Variants in GNB1L observed in about 807,000 individuals in gnomAD.
The protein encoded by GNB1L is G protein subunit beta 1 like, also known as guanine nucleotide-binding protein subunit beta-like protein 1.
GNB1L carries 20 observed loss-of-function variants against 29.1 expected under a neutral mutation model. That is an observed-to-expected ratio of 0.69 (90% CI 0.48 to 1.00). The LOEUF is 1.00. Among genes scored for constraint, GNB1L ranks in the 50% least tolerant of loss-of-function variants. The pLI is 0.00. For missense variants in GNB1L, 421 were observed against 464.9 expected (o/e 0.91, Z 0.87); for synonymous variants, 193 against 206.5 (o/e 0.93, Z 0.56).
At chr22:19,810,466 C>T (rs1025992512) in intron 5 of GNB1L, among the ~76,000 whole-genome samples, 1 of 152,098 alleles carries the variant, frequency 6.6e-6, no homozygotes, top group Non-Finnish European at 1.5e-5. Flanking sequence ...GCGGGGGTGG[C>T]GGCGCCTTGA....
At position 19,796,378 on chromosome 22, in the gene GNB1L, G is replaced by A. The variant is rs546302481; in HGVS notation, c.732+5623C>T. On this transcript the variant is annotated intron_variant, in intron 7 of 7. Coordinates refer to ENST00000329517, the MANE Select transcript of GNB1L (RefSeq NM_053004.3). The stretch of plus-strand genomic sequence containing the variant: ...GAATCAGTGGACACACGGGCCTGGC[G>A]CCCACGTGTGCAGCGGGGCATCTGA... 9.8e-5 allele frequency among the ~76,000 whole-genome samples: 15 copies of A among 152,310 alleles called. No individual in the cohort carries two copies. The South Asian group carries it at 1.5e-3, about 15-fold the overall frequency.
chr22:19,826,100 C>T (rs1405845905), intron 2 of GNB1L, among the ~76,000 whole-genome samples: 1 of 152,262 alleles, frequency 6.6e-6, no homozygotes, highest in Non-Finnish European at 1.5e-5. Flanking sequence ...ATTTGCTGCA[C>T]TAGTGACCTG....
At chr22:19,839,244 C>T (rs1307499987) in intron 2 of GNB1L, among the ~76,000 whole-genome samples, 2 of 152,214 alleles carry the variant, frequency 1.3e-5, no homozygotes, top group African/African-American at 4.8e-5. Context: ...TTAGGACTCA[C>T]TGTAAGCGCA....
At chr22:19,849,310 T>C (rs990696885) in intron 2 of GNB1L, 79 of 978,802 alleles carry the variant, frequency 8.1e-5, no homozygotes, top group Non-Finnish European at 8.0e-5. Context: ...TTTCTAGTGA[T>C]AGTTACCATA....
At chr22:19,796,877 A>G (rs915330399) in intron 7 of GNB1L, among the ~76,000 whole-genome samples, 6 of 152,224 alleles carry the variant, frequency 3.9e-5, no homozygotes, top group Non-Finnish European at 8.8e-5. Flanking sequence ...AACAATGAAC[A>G]GAAAGATAGA....
intron 5 of GNB1L, among the ~76,000 whole-genome samples, chr22:19,809,022 G>T (rs1040090960): frequency 6.6e-6 from 1 of 152,036 alleles, no homozygotes; most frequent in Non-Finnish European, 1.5e-5. Context: ...AGGAAGGGAA[G>T]TCACCTGGCA....
rs1937188126 is a variant in GNB1L, at chr22:19,785,837, TTTC to T, written c.*2869_*2871del. ...AGCTGGATGTCTGGAGCTGAGACCG[TTTC>T]TTCTTCTGTTGTGGGGGTTTCAAGG... On this transcript the variant is annotated 3_prime_UTR_variant, in exon 8 of 8. Coordinates refer to ENST00000329517, the MANE Select transcript of GNB1L (RefSeq NM_053004.3). This position sits in a 1 kb window ranked among gnomAD's most constrained non-coding sequence, Gnocchi z 4.1. The T allele has an allele frequency of 6.6e-6, 1 of 152,214 alleles. No individual in the cohort carries two copies. Among genetic ancestry groups the T allele is most frequent in the South Asian group, 2.1e-4 (1 of 4,830 alleles). 9.4% of individuals were successfully genotyped at this position (152,214 alleles called of 1,614,324 possible).
chr22:19,846,606 A>G, intron 2 of GNB1L: 4 of 961,312 alleles, frequency 4.2e-6, no homozygotes, highest in Middle Eastern at 5.4e-4. Flanking sequence ...CAATATTTTT[A>G]TGTTCAAGTC....
In GNB1L at chr22:19,806,702, G is replaced by C. The variant is rs776768604; in HGVS notation, c.473C>G (p.Ala158Gly). ...CATGGGCATGCCCAGCTTGGCATCT[G>C]CCTTCGGCTTCAGGGCGCACACTGA... is the stretch of plus-strand genomic sequence containing the variant. ...KTSVCALKPKADAKLGMPMCL... is the reference protein window; with the variant it reads ...KTSVCALKPKGDAKLGMPMCL... The change falls in exon 6 of 8, where the codon GCA (alanine) becomes GGA (glycine). Residue 158 changes from alanine to glycine, a missense_variant. Transcript: ENST00000329517. 2 of 1,613,462 alleles carry C rather than the reference G, an allele frequency of 1.2e-6. No homozygotes were observed. Among genetic ancestry groups the C allele is most frequent in the South Asian group, 2.2e-5 (2 of 91,070 alleles).
At chr22:19,835,016 C>T (rs1165718806) in intron 2 of GNB1L, among the ~76,000 whole-genome samples, 3 of 151,994 alleles carry the variant, frequency 2.0e-5, no homozygotes, top group African/African-American at 4.8e-5. Flanking sequence ...AATATTATCA[C>T]GGACAAGAAG....
In GNB1L at chr22:19,802,069, T is replaced by C; in HGVS notation, c.664A>G (p.Arg222Gly). ...MDLDFDSQKA[R>G]GISGSAGKAL... Reference sequence around the variant, plus strand: ...TTCCCCGCGGAGCCTGAGATGCCCCTGGCCTTCTGGGAGTCAAAGTCAAGG... The same window carrying C: ...TTCCCCGCGGAGCCTGAGATGCCCCCGGCCTTCTGGGAGTCAAAGTCAAGG... Residue 222 changes from arginine to glycine, a missense_variant, in exon 7 of 8, where the codon AGG becomes GGG. By Grantham distance (125) the Arg-to-Gly change is moderately radical. Transcript: ENST00000329517. The C allele has an allele frequency of 6.2e-7, 1 of 1,613,230 alleles. No individual in the cohort carries two copies. Among genetic ancestry groups the C allele is most frequent in the East Asian group, 2.2e-5 (1 of 44,868 alleles).
chr22:19,847,974 G>A (rs897194079), intron 2 of GNB1L: 23 of 984,982 alleles, frequency 2.3e-5, no homozygotes, highest in Middle Eastern at 1.0e-3. Context: ...CATTTTACTC[G>A]TTAATTGGAA....
rs531119696 is a variant in GNB1L, at chr22:19,807,493, G to T, written c.418-736C>A. ...GCACTGAACTTCCCCAGGTACAAGC[G>T]AGAGCAGCTCACTGGCCCCTGACAG... On this transcript the variant is annotated intron_variant, in intron 5 of 7. Coordinates refer to ENST00000329517, the MANE Select transcript of GNB1L (RefSeq NM_053004.3). Among the ~76,000 whole-genome samples, 3 of 152,128 alleles carry T rather than the reference G, an allele frequency of 2.0e-5. No homozygotes were observed. In the South Asian group the frequency reaches 6.2e-4, roughly 32 times the overall value.
Position 19,788,934 on chromosome 22 carries a change from A to G in GNB1L, c.759T>C (p.Asn253=), listed in dbSNP as rs1937220553. 1 of 1,610,090 alleles carries G rather than the reference A, an allele frequency of 6.2e-7. No homozygotes were observed. Among genetic ancestry groups the G allele is most frequent in the Non-Finnish European group, 8.5e-7 (1 of 1,178,094 alleles). The change falls in exon 8 of 8, where the codon AAT becomes AAC. Residue 253 remains asparagine, a synonymous_variant. Transcript: ENST00000329517. The stretch of plus-strand genomic sequence containing the variant: ...GGATCGTGACCTCGGCGATCCCGGG[A>G]TTGGTGAGTTCATGAGTCCCACGCA... ...LQVRGTHELT[N]PGIAEVTIRP... is the part of the protein sequence containing the mutation.
At chr22:19,848,427 T>C in intron 2 of GNB1L, 1 of 985,406 alleles carries the variant, frequency 1.0e-6, no homozygotes, top group Non-Finnish European at 1.2e-6. Context: ...AGCAGCTTGG[T>C]CATCATCTGT....
At chr22:19,793,554 G>A (rs974217178) in intron 7 of GNB1L, among the ~76,000 whole-genome samples, 9 of 152,052 alleles carry the variant, frequency 5.9e-5, no homozygotes, top group African/African-American at 1.7e-4. Context: ...TGGGAAACAC[G>A]AATATATAGA....
intron 2 of GNB1L, chr22:19,851,492 T>A (rs1938097131): frequency 6.2e-7 from 1 of 1,614,162 alleles, no homozygotes; most frequent in African/African-American, 1.3e-5. Flanking sequence ...GGTCAGCTGC[T>A]GCTCGAACAG....
intron 3 of GNB1L, 148 bp from the exon 4 acceptor site, chr22:19,820,871 A>G: frequency 1.0e-6 from 1 of 953,256 alleles, no homozygotes; most frequent in Non-Finnish European, 1.6e-6. Flanking sequence ...CTAAGGGCCA[A>G]ACTGGCAAAG....
intron 2 of GNB1L, chr22:19,850,271 G>A: frequency 1.0e-6 from 1 of 983,976 alleles, no homozygotes; most frequent in Non-Finnish European, 1.2e-6. Flanking sequence ...AGCACCAATT[G>A]TGTACCAGGC....
Sources: allele counts gnomAD v4.1 joint callset (sites outside exome capture counted in the v4.1 genomes callset), GRCh38; gene constraint gnomAD v4.1.1; non-coding constraint Gnocchi (gnomAD v3.1); transcripts MANE v1.5; gene names NCBI Gene and HGNC (gene_info 2026-07-23, HGNC 2026-07-21).